RAI14: variants seen among roughly 807,000 people sequenced by gnomAD.
The protein encoded by RAI14 is retinoic acid induced 14, also known as ankycorbin.
A neutral mutation model predicts 115.4 loss-of-function variants in RAI14; 45 were observed. The ratio of observed to expected loss-of-function variants is 0.39; its 90% CI spans 0.31 to 0.50. The LOEUF (loss-of-function observed/expected upper bound fraction) is 0.50, where lower values mean the gene tolerates loss of function less well. Among genes scored for constraint, RAI14 ranks in the 20% least tolerant of loss-of-function variants. The pLI, the probability that RAI14 is intolerant of heterozygous loss-of-function variation, is 0.85. For synonymous variants in RAI14, 371 were observed against 415.4 expected (o/e 0.89, Z 1.30); for missense variants, 939 against 1,131.2 (o/e 0.83, Z 2.44).
At chr5:34,718,937 A>G (rs1288647203) in intron 2 of RAI14, among the ~76,000 whole-genome samples, 1 of 152,242 alleles carries the variant, frequency 6.6e-6, no homozygotes. Context: ...AATGCACAAG[A>G]TGAAAATCAA....
chr5:34,746,109 T>G (rs1746179478), intron 2 of RAI14, among the ~76,000 whole-genome samples: 3 of 94,750 alleles, frequency 3.2e-5, no homozygotes, highest in South Asian at 9.3e-4. Flanking sequence ...CCGCCTTTTT[T>G]TTTTTTGTTT....
At chr5:34,781,832 G>C (rs1402174601) in intron 3 of RAI14, among the ~76,000 whole-genome samples, 4 of 152,166 alleles carry the variant, frequency 2.6e-5, no homozygotes, top group Non-Finnish European at 5.9e-5. Flanking sequence ...AGGAATTAAA[G>C]ACACACACAC....
chr5:34,687,870 A>C, intron 2 of RAI14: 1 of 1,092,994 alleles, frequency 9.1e-7, no homozygotes. Context: ...TGTGTCTTTT[A>C]TGGCTGATAT....
chr5:34,807,775 G>A, intron 5 of RAI14, 25 bp from the exon 6 acceptor site: 1 of 1,557,450 alleles, frequency 6.4e-7, no homozygotes, highest in East Asian at 2.2e-5. Flanking sequence ...TTTATTATAT[G>A]GATGTATTTA....
At chr5:34,778,711 G>A (rs1365914536) in intron 3 of RAI14, among the ~76,000 whole-genome samples, 1 of 151,406 alleles carries the variant, frequency 6.6e-6, no homozygotes, top group Non-Finnish European at 1.5e-5. Context: ...AGACCAGGCT[G>A]GGCAACACAG....
chr5:34,736,349 G>A (rs990868879), intron 2 of RAI14, among the ~76,000 whole-genome samples: 1 of 152,144 alleles, frequency 6.6e-6, no homozygotes, highest in African/African-American at 2.4e-5. Flanking sequence ...GCAGTGAGCC[G>A]AGATCGCTCC....
chr5:34,778,564 A>C (rs74929835), intron 3 of RAI14, among the ~76,000 whole-genome samples: 3,139 of 152,232 alleles, frequency 0.021, 103 homozygotes, highest in African/African-American at 0.072. Flanking sequence ...GTTAGGAAGT[A>C]GATAAAATGT....
intron 2 of RAI14, among the ~76,000 whole-genome samples, chr5:34,752,593 G>A (rs1024566827): frequency 2.6e-5 from 4 of 151,820 alleles, no homozygotes; most frequent in Admixed American, 6.6e-5. Flanking sequence ...CTAGGCTTTC[G>A]AAATACGCCT....
chr5:34,771,238 G>T lies in RAI14; in HGVS notation c.167+13640G>T, dbSNP rs535299007. On this transcript the variant is annotated intron_variant, in intron 3 of 17. Transcript: ENST00000265109. The stretch of plus-strand genomic sequence containing the variant: ...TCTTCTGCAACGTCCTAACACTCTG[G>T]TATTCTGGGGTGTGGCTAATGCTGG... Among the ~76,000 whole-genome samples the T allele has an allele frequency of 2.0e-4, 30 of 152,298 alleles. No homozygotes were observed. The East Asian group carries it at 5.4e-3, about 27-fold the overall frequency.
intron 2 of RAI14, among the ~76,000 whole-genome samples, chr5:34,701,362 T>C (rs956820122): frequency 2.6e-5 from 4 of 152,196 alleles, no homozygotes; most frequent in Non-Finnish European, 5.9e-5. Context: ...TCTGTTAACA[T>C]AGTTACATCT....
rs141763295 is a variant in RAI14, at chr5:34,824,670, G to A, written c.2649+179G>A. ...GAATAGTTTGTTGGGTCGGCCGGAC[G>A]TGGTGGCTCACGCTTATAATCCCAG... On this transcript the variant is annotated intron_variant, in intron 15 of 17. Coordinates refer to ENST00000265109, the MANE Select transcript of RAI14 (RefSeq NM_015577.3). 2.0e-3 allele frequency among the ~76,000 whole-genome samples: 309 copies of A among 152,306 alleles called. 2 individuals carry two copies. Among genetic ancestry groups the A allele is most frequent in the African/African-American group, 7.0e-3 (293 of 41,570 alleles).
chr5:34,816,896 G>A (rs1756294414), intron 12 of RAI14, among the ~76,000 whole-genome samples: 2 of 150,556 alleles, frequency 1.3e-5, no homozygotes, highest in Non-Finnish European at 3.0e-5. Context: ...GTATAAGACT[G>A]TCATTTCTGA....
chr5:34,673,656 C>T (rs1342349552), intron 1 of RAI14, among the ~76,000 whole-genome samples: 2 of 152,136 alleles, frequency 1.3e-5, no homozygotes, highest in Admixed American at 6.5e-5. Context: ...CTAGAAGGGG[C>T]GTGCCTTGCC....
intron 2 of RAI14, among the ~76,000 whole-genome samples, chr5:34,754,559 C>G (rs577813262): frequency 3.8e-5 from 5 of 131,472 alleles, no homozygotes; most frequent in Non-Finnish European, 9.1e-5. Context: ...CCCAACCTAG[C>G]TCTGCTTACT....
Position 34,832,019 on chromosome 5 carries a change from G to A in RAI14, c.*1254G>A, listed in dbSNP as rs1012157233. 2 of 151,964 alleles carry A rather than the reference G, an allele frequency of 1.3e-5. No individual in the cohort carries two copies. The highest frequency in any genetic ancestry group is 2.9e-5 in the Non-Finnish European group (2 of 67,968). 9.4% of individuals were successfully genotyped at this position (151,964 alleles called of 1,614,324 possible). A position where few individuals can be genotyped will look rare whatever the true frequency, so the allele number is the denominator to read the frequency against. Reference sequence around the variant, plus strand: ...TATTATGGTGCATAGCAGAGGTCTCGGAAAAAAAATATTTCTGTTCACTTT... The same window carrying A: ...TATTATGGTGCATAGCAGAGGTCTCAGAAAAAAAATATTTCTGTTCACTTT... On this transcript the variant is annotated 3_prime_UTR_variant, in exon 18 of 18. Coordinates refer to ENST00000265109, the MANE Select transcript of RAI14 (RefSeq NM_015577.3).
In RAI14 at chr5:34,708,201, G is replaced by GTTT. The variant is rs146605112; in HGVS notation, c.36+21249_36+21251dup. On this transcript the variant is annotated intron_variant, in intron 2 of 17. Transcript: ENST00000265109. ...AAACCTAAGTATAAGGGAACTTTGG[G>GTTT]TTTTTGTTTTTTTTTTTTGAGACCG... Among the ~76,000 whole-genome samples the GTTT allele has an allele frequency of 2.2e-4, 32 of 147,306 alleles. 2 individuals carry two copies. The highest frequency in any genetic ancestry group is 3.0e-4 in the Non-Finnish European group (20 of 67,076).
chr5:34,748,451 C>A (rs72730563), intron 2 of RAI14, among the ~76,000 whole-genome samples: 14,997 of 152,160 alleles, frequency 0.099, 851 homozygotes, highest in Middle Eastern at 0.14. Context: ...TAAATACATC[C>A]TGTATGTTTC....
intron 4 of RAI14, among the ~76,000 whole-genome samples, chr5:34,801,453 G>C (rs142905721): frequency 4.0e-5 from 6 of 151,780 alleles, no homozygotes; most frequent in African/African-American, 1.4e-4. Context: ...GATTTAGAAA[G>C]AAAAATGGGG....
rs996759224 is a variant in RAI14 at position 34,767,337 on chromosome 5, C to T, written c.167+9739C>T. 3.3e-5 allele frequency among the ~76,000 whole-genome samples: 5 copies of T among 152,174 alleles called. No individual in the cohort carries two copies. In the East Asian group the frequency reaches 9.7e-4, roughly 29 times the overall value. On this transcript the variant is annotated intron_variant, in intron 3 of 17. Transcript: ENST00000265109. ...GCAGAGGTCAGGAGAGCCTGGGAAACGTAGTTGGCTGTGATAGACAGCAGA... is the reference window on the plus strand; with the variant it reads ...GCAGAGGTCAGGAGAGCCTGGGAAATGTAGTTGGCTGTGATAGACAGCAGA...
Sources: allele counts gnomAD v4.1 joint callset (sites outside exome capture counted in the v4.1 genomes callset), GRCh38; gene constraint gnomAD v4.1.1; transcripts MANE v1.5; gene names NCBI Gene and HGNC (gene_info 2026-07-23, HGNC 2026-07-21).